Variants in ARAP2 observed in about 807,000 individuals in gnomAD.
ARAP2 encodes the protein ArfGAP with RhoGAP domain, ankyrin repeat and PH domain 2, also known as arf-GAP with Rho-GAP domain, ANK repeat and PH domain-containing protein 2.
In ARAP2, 148 loss-of-function variants were observed where a neutral mutation model predicts 194.5. The ratio of observed to expected loss-of-function variants is 0.76; its 90% CI spans 0.67 to 0.87. ARAP2 has a LOEUF of 0.87. Among genes scored for constraint, ARAP2 ranks in the 40% least tolerant of loss-of-function variants. The pLI is 0.00. For synonymous variants in ARAP2, 695 were observed against 683.5 expected (o/e 1.02, Z -0.26); for missense variants, 2,128 against 1,989.7 (o/e 1.07, Z -1.32).
rs763085793 is a variant in ARAP2 at position 36,187,553 on chromosome 4, T to C, written c.1576A>G (p.Ile526Val). The C allele has an allele frequency of 2.9e-5, 45 of 1,561,842 alleles. No homozygotes were observed. The highest frequency in any genetic ancestry group is 2.6e-4 in the South Asian group (21 of 79,382). The change falls in exon 8 of 33, where the codon ATA (isoleucine) becomes GTA (valine). Residue 526 changes from isoleucine to valine, a missense_variant. Ile to Val is a conservative substitution (Grantham distance 29). Coordinates refer to ENST00000303965, the MANE Select transcript of ARAP2 (RefSeq NM_015230.4). The stretch of plus-strand genomic sequence containing the variant: ...GTTGATATAGCAGAAAGGGGAATTA[T>C]TCCTTTCGAATACATCTCCTGTATT... ...NNEKEMYSKG[I>V]IPLSAISTVR...
intron 27 of ARAP2, among the ~76,000 whole-genome samples, chr4:36,097,287 CA>C (rs111884349): frequency 6.6e-6 from 1 of 151,160 alleles, no homozygotes; most frequent in African/African-American, 2.4e-5. Flanking sequence ...GAGGGAAGAG[CA>C]AAAAAAACTT....
intron 26 of ARAP2, among the ~76,000 whole-genome samples, chr4:36,113,016 G>A (rs1720420633): frequency 6.6e-6 from 1 of 151,768 alleles, no homozygotes; most frequent in Non-Finnish European, 1.5e-5. Context: ...AACAGAATAA[G>A]GAGAATCTAC....
At chr4:36,204,166 G>T (rs1290246174) in intron 6 of ARAP2, among the ~76,000 whole-genome samples, 1 of 152,092 alleles carries the variant, frequency 6.6e-6, no homozygotes. Context: ...AGGAATTCTA[G>T]AAAGAAGAAA....
At chr4:36,065,132 T>C (rs571319169), downstream of ARAP2, 103 of 286,182 alleles carry the variant, frequency 3.6e-4, no homozygotes, top group Non-Finnish European at 7.1e-4. Context: ...CAATGACTTC[T>C]TCAGCCTCTT....
At chr4:36,097,031 T>G (rs1463736275) in intron 27 of ARAP2, among the ~76,000 whole-genome samples, 1 of 152,092 alleles carries the variant, frequency 6.6e-6, no homozygotes, top group Non-Finnish European at 1.5e-5. Context: ...TCATTTACAT[T>G]TTTGCTCAAA....
chr4:36,077,175 G>A (rs1054684350), intron 31 of ARAP2, among the ~76,000 whole-genome samples: 1 of 152,024 alleles, frequency 6.6e-6, no homozygotes, highest in Non-Finnish European at 1.5e-5. Flanking sequence ...CAAATGCATT[G>A]TAAGGAGAGG....
intron 7 of ARAP2, 87 bp downstream of exon 7, chr4:36,193,488 ACCT>A: frequency 1.5e-6 from 1 of 675,282 alleles, no homozygotes; most frequent in Middle Eastern, 2.7e-4. Context: ...TTGAGAATCT[ACCT>A]CCTATTCTTA....
At chr4:36,069,161 A>G (rs1726221995) in intron 32 of ARAP2, among the ~76,000 whole-genome samples, 1 of 152,178 alleles carries the variant, frequency 6.6e-6, no homozygotes, top group African/African-American at 2.4e-5. Context: ...ACACTGTTCT[A>G]TTTTTCTTAA....
At chr4:36,132,382 A>C (rs1725649132) in intron 20 of ARAP2, among the ~76,000 whole-genome samples, 1 of 151,778 alleles carries the variant, frequency 6.6e-6, no homozygotes, top group South Asian at 2.1e-4. Flanking sequence ...GAGAATAAAA[A>C]TTTTTAATAC....
At chr4:36,156,336 G>A (rs1369291692) in intron 15 of ARAP2, among the ~76,000 whole-genome samples, 1 of 41,568 alleles carries the variant, frequency 2.4e-5, no homozygotes, top group Non-Finnish European at 4.5e-5. Flanking sequence ...AGGGAGGGAG[G>A]GAAAGAGAGA....
intron 15 of ARAP2, 79 bp downstream of exon 15, chr4:36,158,651 A>T: frequency 7.8e-7 from 1 of 1,276,700 alleles, no homozygotes; most frequent in Non-Finnish European, 1.1e-6. Context: ...TCTCAAAAAA[A>T]TCAAAATCTA....
intron 6 of ARAP2, among the ~76,000 whole-genome samples, chr4:36,194,244 T>A (rs1685458484): frequency 6.6e-6 from 1 of 152,036 alleles, no homozygotes; most frequent in Non-Finnish European, 1.5e-5. Context: ...GCTACTGACA[T>A]GAAAAACAAA....
intron 26 of ARAP2, among the ~76,000 whole-genome samples, chr4:36,108,319 C>A (rs186118438): frequency 6.6e-6 from 1 of 151,970 alleles, no homozygotes; most frequent in Non-Finnish European, 1.5e-5. Context: ...AAATAATAAT[C>A]ATAAATTAAT....
intron 25 of ARAP2, among the ~76,000 whole-genome samples, chr4:36,116,462 A>G (rs983336427): frequency 7.2e-5 from 11 of 151,876 alleles, no homozygotes; most frequent in Non-Finnish European, 4.4e-5. Context: ...TCAAACATCT[A>G]TTTTTAATTC....
intron 1 of ARAP2, among the ~76,000 whole-genome samples, chr4:36,238,974 G>A (rs1329572685): frequency 6.6e-6 from 1 of 152,116 alleles, no homozygotes; most frequent in African/African-American, 2.4e-5. Context: ...TGTGCTTGAC[G>A]AGAAAATAAA....
chr4:36,023,962 T>TA (rs3055211), intron 5 of ARAP2, among the ~76,000 whole-genome samples: 29 of 151,166 alleles, frequency 1.9e-4, no homozygotes, highest in African/African-American at 3.6e-4. Context: ...ATTTAATCAA[T>TA]AAAAAAAAAA....
chr4:36,067,884 T>A lies in ARAP2; in HGVS notation c.*23A>T, dbSNP rs1208698492. The stretch of plus-strand genomic sequence containing the variant: ...TGCATACAATATTAAAAAAATAATC[T>A]GGGGAGCAATTCATTTTATTTCCTA... On this transcript the variant is annotated 3_prime_UTR_variant, in exon 33 of 33. Transcript: ENST00000303965. 1.3e-6 allele frequency: 2 copies of A among 1,542,080 alleles called. No homozygotes were observed. The highest frequency in any genetic ancestry group is 8.7e-7 in the Non-Finnish European group (1 of 1,144,474).
chr4:36,217,408 T>C (rs924255900), intron 2 of ARAP2, among the ~76,000 whole-genome samples: 4 of 152,108 alleles, frequency 2.6e-5, no homozygotes, highest in Admixed American at 6.5e-5. Context: ...TGATCCCAGA[T>C]ACTCGGGGTG....
chr4:36,027,739 A>C (rs1006260933), intron 5 of ARAP2, among the ~76,000 whole-genome samples: 1 of 152,128 alleles, frequency 6.6e-6, no homozygotes, highest in African/African-American at 2.4e-5. Context: ...TAAGTGACTT[A>C]CCCAAAGATA....
Sources: allele counts gnomAD v4.1 joint callset (sites outside exome capture counted in the v4.1 genomes callset), GRCh38; gene constraint gnomAD v4.1.1; transcripts MANE v1.5; gene names NCBI Gene and HGNC (gene_info 2026-07-23, HGNC 2026-07-21).